The following RBFOX1 variants were observed in gnomAD, a reference collection of about 807,000 sequenced individuals.
RBFOX1 encodes the protein RNA binding fox-1 homolog 1, also known as RNA binding protein fox-1 homolog 1.
In RBFOX1, 8 loss-of-function variants were observed where a neutral mutation model predicts 57.7. That is an observed-to-expected ratio of 0.14 (90% CI 0.08 to 0.25). The LOEUF is 0.25. RBFOX1 is among the 10% of genes least tolerant of loss of function. RBFOX1 has a pLI of 1.00. For synonymous variants in RBFOX1, 326 were observed against 222.4 expected (o/e 1.47, Z -4.15); for missense variants, 611 against 548.5 (o/e 1.11, Z -1.14).
At chr16:6,820,392 G>A (rs1195746088) in intron 3 of RBFOX1, among the ~76,000 whole-genome samples, 1 of 152,140 alleles carries the variant, frequency 6.6e-6, no homozygotes, top group East Asian at 1.9e-4. Flanking sequence ...CCAACACAGT[G>A]GCTCCTATAA....
At chr16:7,143,253 G>T (rs74720981) in intron 4 of RBFOX1, among the ~76,000 whole-genome samples, 3,439 of 152,172 alleles carry the variant, frequency 0.023, 87 homozygotes, top group East Asian at 0.11. Context: ...TAGAGAGAGA[G>T]AGAGGAAGAG....
intron 2 of RBFOX1, among the ~76,000 whole-genome samples, chr16:5,515,211 G>A (rs944627219): frequency 6.6e-6 from 1 of 152,232 alleles, no homozygotes; most frequent in Admixed American, 6.5e-5. Context: ...CAAACATCCA[G>A]ATTGTATCAG....
chr16:5,850,444 A>G (rs1276419094), intron 3 of RBFOX1, among the ~76,000 whole-genome samples: 1 of 152,248 alleles, frequency 6.6e-6, no homozygotes, highest in Admixed American at 6.5e-5. Context: ...ATTAAGCACT[A>G]GTATCCTGTG....
chr16:5,980,348 C>T (rs529479982), intron 4 of RBFOX1, among the ~76,000 whole-genome samples: 1 of 152,230 alleles, frequency 6.6e-6, no homozygotes, highest in Admixed American at 6.5e-5. Context: ...GTAATGACCT[C>T]CCAGGCAGGT....
chr16:6,657,518 T>G (rs917955003), intron 3 of RBFOX1, among the ~76,000 whole-genome samples: 1 of 152,086 alleles, frequency 6.6e-6, no homozygotes, highest in Non-Finnish European at 1.5e-5. Flanking sequence ...CCAGAGTGAT[T>G]GCCGTCAGGT....
At chr16:7,352,476 G>A (rs56038096) in intron 4 of RBFOX1, among the ~76,000 whole-genome samples, 29,903 of 152,060 alleles carry the variant, frequency 0.2, 4,686 homozygotes, top group African/African-American at 0.44. Context: ...CGTGGGGTGG[G>A]TAAGAATCTG....
At chr16:6,801,798 A>C (rs866089335) in intron 3 of RBFOX1, among the ~76,000 whole-genome samples, 1 of 152,112 alleles carries the variant, frequency 6.6e-6, no homozygotes, top group African/African-American at 2.4e-5. Flanking sequence ...CAAAATTACA[A>C]AGTTTTCCAA....
chr16:6,569,878 A>T (rs923262629), intron 2 of RBFOX1, among the ~76,000 whole-genome samples: 1 of 152,156 alleles, frequency 6.6e-6, no homozygotes, highest in African/African-American at 2.4e-5. Context: ...ATCTCCTTCA[A>T]TCAATTTTAA....
intron 5 of RBFOX1, among the ~76,000 whole-genome samples, chr16:7,563,644 C>A: frequency 6.6e-6 from 1 of 151,898 alleles, no homozygotes; most frequent in East Asian, 1.9e-4. Context: ...ATTTTTTGTA[C>A]TTTTAGTAGA....
At chr16:6,799,840 G>A (rs1014533785) in intron 3 of RBFOX1, among the ~76,000 whole-genome samples, 3 of 152,234 alleles carry the variant, frequency 2.0e-5, no homozygotes, top group Admixed American at 6.5e-5. Context: ...TGAAGGCTGC[G>A]CTGTCAGCTT....
At chr16:5,335,002 G>A (rs1286137914) in intron 1 of RBFOX1, among the ~76,000 whole-genome samples, 2 of 152,232 alleles carry the variant, frequency 1.3e-5, no homozygotes, top group East Asian at 3.9e-4. Flanking sequence ...AGGCCAAAGA[G>A]TATGCCCAAT....
At chr16:6,815,291 C>G (rs192113788) in intron 3 of RBFOX1, among the ~76,000 whole-genome samples, 5 of 152,088 alleles carry the variant, frequency 3.3e-5, no homozygotes, top group East Asian at 1.9e-4. Context: ...TTGCCACTTG[C>G]TATTTTATTT....
chr16:7,226,687 C>T (rs1010737123), intron 4 of RBFOX1, among the ~76,000 whole-genome samples: 1 of 152,110 alleles, frequency 6.6e-6, no homozygotes, highest in Non-Finnish European at 1.5e-5. Context: ...TCTAAAACCG[C>T]AAAAAGTACT....
chr16:6,588,761 A>G (rs77093622), intron 2 of RBFOX1, among the ~76,000 whole-genome samples: 2,943 of 151,908 alleles, frequency 0.019, 94 homozygotes, highest in African/African-American at 0.066. Context: ...TCTGAAAATC[A>G]GGACTTACTT....
rs371257187 is a variant in RBFOX1, at chr16:5,628,241, A to G, written c.318+29280A>G. Among the ~76,000 whole-genome samples, 11 of 152,332 alleles carry G rather than the reference A, an allele frequency of 7.2e-5. No homozygotes were observed. In the East Asian group the frequency reaches 1.9e-3, roughly 27 times the overall value. The stretch of plus-strand genomic sequence containing the variant: ...GTTTGAGTTGAGGACTTGGGAGTTG[A>G]AAGAATCCAAGAATTGAAGTCTCTT... On this transcript the variant is annotated intron_variant, in intron 3 of 19. Coordinates refer to the RBFOX1 transcript ENST00000641259.
chr16:5,918,767 C>G (rs750659124), intron 4 of RBFOX1, among the ~76,000 whole-genome samples: 1 of 152,222 alleles, frequency 6.6e-6, no homozygotes, highest in Non-Finnish European at 1.5e-5. Flanking sequence ...TGAGGTTGAT[C>G]ACAGTCAAGG....
chr16:6,895,487 T>TG (rs1567761867), intron 3 of RBFOX1, among the ~76,000 whole-genome samples: 1 of 84,694 alleles, frequency 1.2e-5, no homozygotes, highest in African/African-American at 5.3e-5. Context: ...TATATATATA[T>TG]TTATTCCCCT....
intron 1 of RBFOX1, among the ~76,000 whole-genome samples, chr16:5,284,469 C>G (rs956369747): frequency 4.0e-5 from 6 of 151,802 alleles, no homozygotes; most frequent in African/African-American, 1.5e-4. Flanking sequence ...CTCCCTTAAG[C>G]ATTTCTTGTA....
intron 3 of RBFOX1, among the ~76,000 whole-genome samples, chr16:5,812,909 G>C (rs1300517607): frequency 9.2e-5 from 14 of 151,980 alleles, no homozygotes; most frequent in Non-Finnish European, 1.5e-5. Flanking sequence ...TGAAGTTTCT[G>C]CTCAAATATT....
Sources: gnomAD v4.1 joint callset for allele counts (sites outside exome capture counted in the v4.1 genomes callset) on GRCh38, gnomAD v4.1.1 for gene constraint, MANE v1.5 for transcripts, NCBI Gene and HGNC (gene_info 2026-07-23, HGNC 2026-07-21) for gene names.